The following DENND1B variants were observed in gnomAD, a reference collection of about 807,000 sequenced individuals.
The protein encoded by DENND1B is DENN domain containing 1B, also known as DENN domain-containing protein 1B.
In DENND1B, 59 loss-of-function variants were observed where a neutral mutation model predicts 90.1. That is an observed-to-expected ratio of 0.65 (90% CI 0.53 to 0.81). DENND1B has a LOEUF of 0.81. Ranked by LOEUF, DENND1B falls within the 40% of genes least tolerant of loss-of-function variation. The pLI, the probability that DENND1B is intolerant of heterozygous loss-of-function variation, is 0.00. For synonymous variants in DENND1B, 337 were observed against 324.6 expected (o/e 1.04, Z -0.41); for missense variants, 862 against 912.6 (o/e 0.94, Z 0.71).
chr1:197,768,086 G>A (rs758065393), intron 2 of DENND1B, among the ~76,000 whole-genome samples: 3 of 152,010 alleles, frequency 2.0e-5, no homozygotes, highest in Non-Finnish European at 4.4e-5. Context: ...CCAGAATTTT[G>A]CCCAGCACAG....
intron 10 of DENND1B, among the ~76,000 whole-genome samples, chr1:197,634,757 G>A (rs987171490): frequency 6.6e-6 from 1 of 152,250 alleles, no homozygotes; most frequent in African/African-American, 2.4e-5. Context: ...GGGAGGCCGA[G>A]GCAGGAGTGT....
At chr1:197,734,711 G>A in intron 2 of DENND1B, 1 of 984,640 alleles carries the variant, frequency 1.0e-6, no homozygotes, top group Non-Finnish European at 1.2e-6. Context: ...CTGTATACAG[G>A]ATTCAGAATT....
chr1:197,666,128 A>T (rs563335285), intron 5 of DENND1B, among the ~76,000 whole-genome samples: 1 of 152,294 alleles, frequency 6.6e-6, no homozygotes, highest in Admixed American at 6.5e-5. Flanking sequence ...CTATATTCAG[A>T]AGGGAAATAT....
At chr1:197,659,521 C>T (rs1654194416) in intron 5 of DENND1B, among the ~76,000 whole-genome samples, 1 of 151,832 alleles carries the variant, frequency 6.6e-6, no homozygotes, top group Non-Finnish European at 1.5e-5. Flanking sequence ...TTAAATCTAA[C>T]ATATTGACTG....
chr1:197,552,616 C>T lies in DENND1B; in HGVS notation c.1240+406G>A, dbSNP rs183126889. On this transcript the variant is annotated intron_variant, in intron 16 of 22. Coordinates refer to ENST00000620048, the MANE Select transcript of DENND1B (RefSeq NM_001195215.2). ...TGTATAAAGAATTTTGGTGTTCAGA[C>T]CCTTCTTTTTGGATTGTATTACCAA... The T allele has an allele frequency of 2.7e-4, 269 of 995,086 alleles. 1 individual carries two copies. The highest frequency in any genetic ancestry group is 1.7e-3 in the African/African-American group (100 of 57,544). 61.6% of individuals were successfully genotyped at this position (995,086 alleles called of 1,614,324 possible). A position where few individuals can be genotyped will look rare whatever the true frequency, so the allele number is the denominator to read the frequency against.
chr1:197,648,139 G>C (rs1278438322), intron 7 of DENND1B, among the ~76,000 whole-genome samples: 1 of 152,102 alleles, frequency 6.6e-6, no homozygotes, highest in Non-Finnish European at 1.5e-5. Flanking sequence ...TCAGAAGAAA[G>C]TATTTTCTCC....
At chr1:197,650,976 TC>T (rs1653091783) in intron 7 of DENND1B, among the ~76,000 whole-genome samples, 1 of 152,100 alleles carries the variant, frequency 6.6e-6, no homozygotes, top group Non-Finnish European at 1.5e-5. Flanking sequence ...AAGAACTTAC[TC>T]ATGTAACCAA....
chr1:197,577,703 A>C (rs1673809485), intron 15 of DENND1B, among the ~76,000 whole-genome samples: 1 of 152,222 alleles, frequency 6.6e-6, no homozygotes, highest in Non-Finnish European at 1.5e-5. Flanking sequence ...AAAGACGGTA[A>C]TGTCAGAGTT....
chr1:197,694,046 A>C (rs1375785357), intron 3 of DENND1B, among the ~76,000 whole-genome samples: 1 of 151,484 alleles, frequency 6.6e-6, no homozygotes, highest in Non-Finnish European at 1.5e-5. Context: ...TCAGGCTTAA[A>C]TTTTAAATAT....
Position 197,553,077 on chromosome 1 carries a change from T to C in DENND1B, c.1185A>G (p.Gly395=). 1 of 1,546,942 alleles carries C rather than the reference T, an allele frequency of 6.5e-7. No homozygotes were observed. The highest frequency in any genetic ancestry group is 1.4e-5 in the African/African-American group (1 of 70,916). Residue 395 remains glycine, a synonymous_variant, in exon 16 of 23, where the codon GGA becomes GGG. Coordinates refer to ENST00000620048, the MANE Select transcript of DENND1B (RefSeq NM_001195215.2). ...IDGRLAKLNA[G]RGFSDVFEEE... Reference sequence around the variant, plus strand: ...CTTCAAATACATCAGAGAAACCCCTTCCTGCATTTAGTTTTGCCAGTCGAC... The same window carrying C: ...CTTCAAATACATCAGAGAAACCCCTCCCTGCATTTAGTTTTGCCAGTCGAC...
chr1:197,522,456 G>A (rs1054956958), intron 20 of DENND1B, among the ~76,000 whole-genome samples: 1 of 152,044 alleles, frequency 6.6e-6, no homozygotes, highest in African/African-American at 2.4e-5. Context: ...CCAGTCCATA[G>A]TGATTTCAGA....
chr1:197,620,186 T>C (rs1267837521), intron 10 of DENND1B, among the ~76,000 whole-genome samples: 1 of 151,196 alleles, frequency 6.6e-6, no homozygotes, highest in Non-Finnish European at 1.5e-5. Flanking sequence ...ATGCAAGAGC[T>C]GTGAAACTTA....
chr1:197,582,267 T>G (rs556364619), intron 15 of DENND1B, among the ~76,000 whole-genome samples: 1 of 152,188 alleles, frequency 6.6e-6, no homozygotes, highest in Non-Finnish European at 1.5e-5. Context: ...ACTTCTTTAC[T>G]GACCTAATTT....
intron 11 of DENND1B, among the ~76,000 whole-genome samples, chr1:197,615,941 G>C (rs535074857): frequency 3.0e-4 from 46 of 151,006 alleles, no homozygotes; most frequent in African/African-American, 1.1e-3. Context: ...TTACTTCATT[G>C]AATTTTATGG....
rs187445012 is a variant in DENND1B, at chr1:197,733,719, A to C, written c.83-18645T>G. Among the ~76,000 whole-genome samples the C allele has an allele frequency of 3.4e-3, 524 of 152,346 alleles. 3 individuals are homozygous for C. Among genetic ancestry groups the C allele is most frequent in the Non-Finnish European group, 6.0e-3 (408 of 68,028 alleles). ...GCTAGCCAAAGAGAAAATCCTGTCAAGCACTCAGCTGAAAATTAACTAAGG... is the reference window on the plus strand; with the variant it reads ...GCTAGCCAAAGAGAAAATCCTGTCACGCACTCAGCTGAAAATTAACTAAGG... On this transcript the variant is annotated intron_variant, in intron 2 of 22. Coordinates refer to ENST00000620048, the MANE Select transcript of DENND1B (RefSeq NM_001195215.2).
chr1:197,565,522 G>A (rs1434805747), intron 15 of DENND1B, among the ~76,000 whole-genome samples: 2 of 149,478 alleles, frequency 1.3e-5, no homozygotes, highest in Non-Finnish European at 3.0e-5. Context: ...AAGTTTTAGG[G>A]TACATGTGCA....
intron 16 of DENND1B, among the ~76,000 whole-genome samples, chr1:197,549,802 G>A (rs1164197604): frequency 6.6e-5 from 10 of 152,184 alleles, no homozygotes; most frequent in African/African-American, 2.2e-4. Flanking sequence ...AAGGTATGAC[G>A]TGGATTTCCT....
At chr1:197,584,925 G>A (rs1674568730) in intron 14 of DENND1B, among the ~76,000 whole-genome samples, 2 of 151,988 alleles carry the variant, frequency 1.3e-5, no homozygotes, top group Admixed American at 6.6e-5. Context: ...TCCCCACCTC[G>A]GCCACCCAAA....
Position 197,510,772 on chromosome 1 carries a change from G to T in DENND1B, c.2016C>A (p.Leu672=). 3.1e-6 allele frequency: 5 copies of T among 1,612,492 alleles called. No individual in the cohort carries two copies. The highest frequency in any genetic ancestry group is 4.2e-6 in the Non-Finnish European group (5 of 1,179,098). Residue 672 remains leucine, a synonymous_variant, in exon 23 of 23, where the codon CTC becomes CTA. Transcript: ENST00000620048. The part of the protein sequence containing the change: ...ILKEENSNKH[L]GADNVSDPTS... ...TAGGGTCACTCACATTGTCAGCACC[G>T]AGGTGCTTGTTACTGTTTTCCTCTT...
Sources: allele counts gnomAD v4.1 joint callset (sites outside exome capture counted in the v4.1 genomes callset), GRCh38; gene constraint gnomAD v4.1.1; transcripts MANE v1.5; gene names NCBI Gene and HGNC (gene_info 2026-07-23, HGNC 2026-07-21).